RMDN1: variants seen among roughly 807,000 people sequenced by gnomAD.
The protein encoded by RMDN1 is regulator of microtubule dynamics protein 1.
Under a neutral mutation model 48.9 loss-of-function variants are expected in RMDN1, and 48 were observed. The ratio of observed to expected loss-of-function variants is 0.98; its 90% CI spans 0.78 to 1.25. The LOEUF is 1.25. Among genes scored for constraint, RMDN1 ranks in the 50% most tolerant of loss-of-function variants. The pLI, the probability that RMDN1 is intolerant of heterozygous loss-of-function variation, is 0.00. For missense variants in RMDN1, 418 were observed against 373.4 expected (o/e 1.12, Z -0.98); for synonymous variants, 148 against 132.6 (o/e 1.12, Z -0.80).
At position 86,508,667 on chromosome 8, in the gene RMDN1, G is replaced by A. The variant is rs150881350; in HGVS notation, c.-47C>T. 2,891 of 1,539,198 alleles carry A rather than the reference G, an allele frequency of 1.9e-3. 50 individuals carry two copies. In the African/African-American group the frequency reaches 0.035, roughly 19 times the overall value. On this transcript the variant is annotated 5_prime_UTR_variant, in exon 1 of 10. Coordinates refer to ENST00000406452, the MANE Select transcript of RMDN1 (RefSeq NM_016033.3). ...CCCTGCACTACTTCAGGCAGCTACG[G>A]AGGCGGGCGGGGCTAAAGGAGATTC... is the stretch of plus-strand genomic sequence containing the variant.
At chr8:86,507,684 C>G (rs187299245) in intron 1 of RMDN1, among the ~76,000 whole-genome samples, 1 of 147,264 alleles carries the variant, frequency 6.8e-6, no homozygotes, top group African/African-American at 2.5e-5. Context: ...TGAAAACTTA[C>G]GGCTAACTAG....
At chr8:86,475,572 A>C (rs1813235439) in intron 8 of RMDN1, among the ~76,000 whole-genome samples, 1 of 152,160 alleles carries the variant, frequency 6.6e-6, no homozygotes, top group African/African-American at 2.4e-5. Context: ...AAGAAACCAA[A>C]AAAAAAAGTG....
intron 2 of RMDN1, among the ~76,000 whole-genome samples, chr8:86,502,340 G>A (rs1476863707): frequency 6.6e-6 from 1 of 152,070 alleles, no homozygotes; most frequent in Non-Finnish European, 1.5e-5. Flanking sequence ...GGACTCAAGT[G>A]ATCCTCCTGC....
chr8:86,471,147 CT>C (rs201332051), downstream of RMDN1, among the ~76,000 whole-genome samples: 22,257 of 128,238 alleles, frequency 0.17, 1,547 homozygotes, highest in Non-Finnish European at 0.21. Context: ...TACACAGGAT[CT>C]TTTTTTTTTT....
chr8:86,505,122 G>C, intron 2 of RMDN1: 2 of 1,323,044 alleles, frequency 1.5e-6, no homozygotes, highest in East Asian at 7.2e-5. Flanking sequence ...CTCCCTGAAT[G>C]AGAGACCTCA....
At chr8:86,503,381 A>AC (rs1563656556) in intron 2 of RMDN1, among the ~76,000 whole-genome samples, 2 of 69,364 alleles carry the variant, frequency 2.9e-5, no homozygotes, top group African/African-American at 1.1e-4. Context: ...CAAAAAAAAA[A>AC]AAAAAAAACA....
At position 86,485,941 on chromosome 8, in the gene RMDN1, A is replaced by G. The variant is rs182460108; in HGVS notation, c.495+543T>C. Among the ~76,000 whole-genome samples, 5 of 152,324 alleles carry G rather than the reference A, an allele frequency of 3.3e-5. No homozygotes were observed. In the East Asian group the frequency reaches 9.6e-4, roughly 29 times the overall value. Reference sequence around the variant, plus strand: ...CAACTTCACCCTGCCTTTGGGTTCTATGAAGTCCAACAATCCAGAAGGCTA... The same window carrying G: ...CAACTTCACCCTGCCTTTGGGTTCTGTGAAGTCCAACAATCCAGAAGGCTA... On this transcript the variant is annotated intron_variant, in intron 4 of 9. Transcript: ENST00000406452.
chr8:86,491,802 C>G (rs1373660421), intron 2 of RMDN1, among the ~76,000 whole-genome samples: 1 of 152,086 alleles, frequency 6.6e-6, no homozygotes, highest in African/African-American at 2.4e-5. Context: ...TGTTAGTAAA[C>G]TTTGATTTTT....
chr8:86,470,320 T>TAAGG, downstream of RMDN1: 1 of 1,289,278 alleles, frequency 7.8e-7, no homozygotes, highest in Non-Finnish European at 1.0e-6. Context: ...AAGGAGAATG[T>TAAGG]AAGGGATTCC....
chr8:86,483,950 A>G (rs546482723), intron 5 of RMDN1, among the ~76,000 whole-genome samples: 1 of 152,276 alleles, frequency 6.6e-6, no homozygotes, highest in African/African-American at 2.4e-5. Flanking sequence ...TATTTTTAAT[A>G]AAACACACAT....
chr8:86,470,501 TAAAGGGGA>T, downstream of RMDN1: 6 of 1,079,960 alleles, frequency 5.6e-6, no homozygotes, highest in Non-Finnish European at 7.1e-6. Context: ...CCTCAGAGAG[TAAAGGGGA>T]AAAATGAAGA....
Position 86,482,464 on chromosome 8 carries a change from T to C in RMDN1, c.586-2132A>G, listed in dbSNP as rs531265952. ...GTCTTAAGTTGACAGCAATGCCATA[T>C]ATTATTAGAAAGTGTTATTCGTTTT... On this transcript the variant is annotated intron_variant, in intron 5 of 9. Transcript: ENST00000406452. The C allele has an allele frequency of 9.2e-6, 5 of 546,244 alleles. No homozygotes were observed. In the East Asian group the frequency reaches 1.6e-4, roughly 18 times the overall value. 33.8% of individuals were successfully genotyped at this position (546,244 alleles called of 1,614,324 possible).
upstream of RMDN1, chr8:86,508,768 G>A (rs1385789853): frequency 1.4e-5 from 19 of 1,370,788 alleles, no homozygotes; most frequent in East Asian, 2.9e-5. Context: ...CACCTCTTCC[G>A]CCCCCATGGT....
intron 2 of RMDN1, among the ~76,000 whole-genome samples, chr8:86,505,745 C>G (rs1369891697): frequency 6.6e-6 from 1 of 152,048 alleles, no homozygotes; most frequent in Non-Finnish European, 1.5e-5. Context: ...AGATTTCATG[C>G]TGGGGAGGTT....
At chr8:86,470,160 GGA>G, downstream of RMDN1, 4 of 1,287,256 alleles carry the variant, frequency 3.1e-6, no homozygotes, top group Non-Finnish European at 4.1e-6. Context: ...CATCTATAAT[GGA>G]GAGATATAGC....
downstream of RMDN1, among the ~76,000 whole-genome samples, chr8:86,469,256 G>T (rs1159613618): frequency 6.6e-6 from 1 of 151,198 alleles, no homozygotes; most frequent in African/African-American, 2.4e-5. Flanking sequence ...GATGACTTCT[G>T]TTAACTACCT....
Position 86,486,693 on chromosome 8 carries a change from T to C in RMDN1, c.336-50A>G, listed in dbSNP as rs188640828. 232 of 1,443,398 alleles carry C rather than the reference T, an allele frequency of 1.6e-4. 1 individual carries two copies. The East Asian group carries it at 2.9e-3, about 18-fold the overall frequency. 89.4% of individuals were successfully genotyped at this position (1,443,398 alleles called of 1,614,324 possible). On this transcript the variant is annotated intron_variant, in intron 3 of 9. Coordinates refer to ENST00000406452, the MANE Select transcript of RMDN1 (RefSeq NM_016033.3). ...AACCATTTTAGCTCACATTTAAAAA[T>C]TGTTAAGGGTTACATTACTAATGAA...
At chr8:86,476,387 A>G (rs1331587894) in intron 8 of RMDN1, among the ~76,000 whole-genome samples, 1 of 152,218 alleles carries the variant, frequency 6.6e-6, no homozygotes, top group Non-Finnish European at 1.5e-5. Flanking sequence ...TCATGAAATG[A>G]ACAAGTCCAT....
chr8:86,477,212 C>T, intron 8 of RMDN1, 82 bp downstream of exon 8: 1 of 1,008,278 alleles, frequency 9.9e-7, no homozygotes, highest in Non-Finnish European at 1.4e-6. Context: ...TAAACAACTG[C>T]TTTAGACATT....
Sources: allele counts gnomAD v4.1 joint callset (sites outside exome capture counted in the v4.1 genomes callset), GRCh38; gene constraint gnomAD v4.1.1; transcripts MANE v1.5; gene names NCBI Gene and HGNC (gene_info 2026-07-23, HGNC 2026-07-21).